Variants in IGFBP2 observed in about 807,000 individuals in gnomAD.
The protein encoded by IGFBP2 is insulin-like growth factor-binding protein 2.
In IGFBP2, 12 loss-of-function variants were observed where a neutral mutation model predicts 26.2. The observed-to-expected ratio is 0.46, with a 90% CI of 0.29 to 0.74. The LOEUF (loss-of-function observed/expected upper bound fraction) is 0.74. IGFBP2 is among the 30% of genes least tolerant of loss of function. The pLI is 0.09. For missense variants in IGFBP2, 328 were observed against 441.2 expected, an observed-to-expected ratio of 0.74 and a Z score of 2.30; for synonymous variants, 189 against 200.6, an observed-to-expected ratio of 0.94 and a Z score of 0.49.
chr2:216,650,888 A>G (rs1297055480), intron 1 of IGFBP2, among the ~76,000 whole-genome samples: 1 of 152,184 alleles, frequency 6.6e-6, no homozygotes, highest in Non-Finnish European at 1.5e-5. Flanking sequence ...GCTCCCTTGC[A>G]GGAAGGAAGG....
chr2:216,647,626 T>C (rs1226827945), intron 1 of IGFBP2, among the ~76,000 whole-genome samples: 2 of 151,926 alleles, frequency 1.3e-5, no homozygotes, highest in African/African-American at 2.4e-5. Context: ...TTTGCACCAT[T>C]CTCCTGCCTC....
At chr2:216,653,801 C>A (rs1344597118) in intron 1 of IGFBP2, among the ~76,000 whole-genome samples, 1 of 152,130 alleles carries the variant, frequency 6.6e-6, no homozygotes, top group Non-Finnish European at 1.5e-5. Flanking sequence ...AAAAGCTTGA[C>A]CTTCTATATG....
intron 1 of IGFBP2, among the ~76,000 whole-genome samples, chr2:216,647,215 C>G (rs1419588503): frequency 6.6e-6 from 1 of 152,066 alleles, no homozygotes; most frequent in Non-Finnish European, 1.5e-5. Context: ...CAGGCTTCTA[C>G]TTCTTCAGTC....
chr2:216,636,793 C>G (rs1441595577), intron 1 of IGFBP2, among the ~76,000 whole-genome samples: 1 of 152,158 alleles, frequency 6.6e-6, no homozygotes, highest in Non-Finnish European at 1.5e-5. Flanking sequence ...CCTTCCCTAC[C>G]GTGTACAATG....
chr2:216,659,536 G>A, intron 1 of IGFBP2: 1 of 608,526 alleles, frequency 1.6e-6, no homozygotes, highest in Non-Finnish European at 3.0e-6. Flanking sequence ...AGCTTGCTGG[G>A]GCTTGTCTCC....
At chr2:216,634,215 A>T (rs146027628) in intron 1 of IGFBP2, among the ~76,000 whole-genome samples, 1 of 152,230 alleles carries the variant, frequency 6.6e-6, no homozygotes, top group Non-Finnish European at 1.5e-5. Context: ...CCCTGCTGCC[A>T]TAGTTTTACC....
At chr2:216,643,969 A>C (rs1334642505) in intron 1 of IGFBP2, among the ~76,000 whole-genome samples, 1 of 151,638 alleles carries the variant, frequency 6.6e-6, no homozygotes, top group African/African-American at 2.4e-5. Flanking sequence ...CCATCTCCCT[A>C]TGCCTCTCCT....
intron 1 of IGFBP2, among the ~76,000 whole-genome samples, chr2:216,638,921 C>G (rs372693596): frequency 5.9e-5 from 9 of 151,642 alleles, no homozygotes; most frequent in African/African-American, 2.2e-4. Flanking sequence ...AGGATGGTCT[C>G]GATCTCCTGA....
chr2:216,663,580 G>A (rs1196340432), intron 3 of IGFBP2: 1 of 211,202 alleles, frequency 4.7e-6, no homozygotes, highest in African/African-American at 2.3e-5. Context: ...CTGACGCTAT[G>A]ACTAAGCTTC....
chr2:216,651,779 A>AGGTCTT (rs1270623206), intron 1 of IGFBP2, among the ~76,000 whole-genome samples: 1 of 152,156 alleles, frequency 6.6e-6, no homozygotes, highest in Non-Finnish European at 1.5e-5. Flanking sequence ...CTTTGAAACA[A>AGGTCTT]GGTCTTGCTT....
intron 1 of IGFBP2, among the ~76,000 whole-genome samples, chr2:216,636,917 A>AGGCGGGCG (rs1315413163): frequency 1.1e-4 from 1 of 9,306 alleles, no homozygotes; most frequent in Non-Finnish European, 3.1e-4. Context: ...GCAGACAGGC[A>AGGCGGGCG]GGCAGGCAGG....
intron 1 of IGFBP2, among the ~76,000 whole-genome samples, chr2:216,651,303 G>A (rs143976319): frequency 5.9e-5 from 9 of 152,250 alleles, no homozygotes; most frequent in Non-Finnish European, 1.2e-4. Flanking sequence ...GAACATAGTG[G>A]CCACATGCTA....
intron 1 of IGFBP2, among the ~76,000 whole-genome samples, chr2:216,650,620 C>A (rs536801806): frequency 2.9e-4 from 44 of 152,282 alleles, no homozygotes; most frequent in African/African-American, 8.7e-4. Context: ...TGAGCTCTTC[C>A]GCACTCAGCT....
At chr2:216,642,836 C>T (rs772124573) in intron 1 of IGFBP2, among the ~76,000 whole-genome samples, 8 of 152,114 alleles carry the variant, frequency 5.3e-5, no homozygotes, top group Non-Finnish European at 1.2e-4. Context: ...TTTGCCTGGC[C>T]AGCCAACCTG....
chr2:216,640,081 C>G (rs550643348), intron 1 of IGFBP2, among the ~76,000 whole-genome samples: 2 of 152,164 alleles, frequency 1.3e-5, no homozygotes, highest in African/African-American at 4.8e-5. Flanking sequence ...TCTTTCCTTT[C>G]CCACACTTCT....
At chr2:216,652,933 G>A (rs1433722192) in intron 1 of IGFBP2, among the ~76,000 whole-genome samples, 3 of 152,168 alleles carry the variant, frequency 2.0e-5, no homozygotes, top group Non-Finnish European at 4.4e-5. Flanking sequence ...GATCATCTCT[G>A]TGGTACTCCT....
rs1167856656 is a variant in IGFBP2, at chr2:216,661,846, C to T, written c.673-12C>T. The T allele has an allele frequency of 6.2e-7, 1 of 1,614,102 alleles. No individual in the cohort carries two copies. Among genetic ancestry groups the T allele is most frequent in the South Asian group, 1.1e-5 (1 of 91,080 alleles). On this transcript the variant is annotated splice_polypyrimidine_tract_variant and intron_variant, in intron 2 of 3. Transcript: ENST00000233809. ...CCTCACTCCGGGCGTCCCCTGCTGT[C>T]TGTGCGTGCAGACTCCCTGCCAACA...
chr2:216,656,482 G>T (rs948160477), intron 1 of IGFBP2, among the ~76,000 whole-genome samples: 4 of 152,238 alleles, frequency 2.6e-5, no homozygotes, highest in Admixed American at 1.3e-4. Context: ...GACTCCAGAA[G>T]AGTGATTCTC....
intron 1 of IGFBP2, among the ~76,000 whole-genome samples, chr2:216,639,007 AT>A (rs1208707145): frequency 0.019 from 2,235 of 115,104 alleles, 38 homozygotes; most frequent in African/African-American, 0.072. Flanking sequence ...GACCAGGCTA[AT>A]TTTTTTTTTT....
Sources: allele counts gnomAD v4.1 joint callset (sites outside exome capture counted in the v4.1 genomes callset), GRCh38; gene constraint gnomAD v4.1.1; transcripts MANE v1.5; gene names NCBI Gene and HGNC (gene_info 2026-07-23, HGNC 2026-07-21).